The following PPP3CB variants were observed in gnomAD, a reference collection of about 807,000 sequenced individuals.
PPP3CB encodes the protein protein phosphatase 3 catalytic subunit beta, also known as serine/threonine-protein phosphatase 2B catalytic subunit beta isoform.
A neutral mutation model predicts 66.4 loss-of-function variants in PPP3CB; 8 were observed. The observed-to-expected ratio is 0.12, with a 90% CI of 0.07 to 0.22. The LOEUF is 0.22. Ranked by LOEUF, PPP3CB falls within the 10% of genes least tolerant of loss-of-function variation. The pLI is 1.00. For synonymous variants in PPP3CB, 208 were observed against 221.2 expected (o/e 0.94, Z 0.53); for missense variants, 319 against 642.5 (o/e 0.50, Z 5.44).
Position 73,437,316 on chromosome 10 carries a change from TA to T in PPP3CB, c.*925del, listed in dbSNP as rs1433116524. ...CTCTAAGCAACTTGAGTACTCACAA[TA>T]AACTAAAATTTCTCATAACATCTAG... On this transcript the variant is annotated 3_prime_UTR_variant, in exon 14 of 14. Transcript: ENST00000360663. 6.6e-6 allele frequency: 1 copy of T among 152,660 alleles called. No homozygotes were observed. The highest frequency in any genetic ancestry group is 1.5e-5 in the Non-Finnish European group (1 of 68,036). 9.5% of individuals were successfully genotyped at this position (152,660 alleles called of 1,614,324 possible).
chr10:73,487,138 C>A (rs1044477954), intron 1 of PPP3CB, among the ~76,000 whole-genome samples: 1 of 152,078 alleles, frequency 6.6e-6, no homozygotes, highest in African/African-American at 2.4e-5. Flanking sequence ...CCACTGTACT[C>A]CCGCCTGGGC....
intron 9 of PPP3CB, among the ~76,000 whole-genome samples, chr10:73,462,244 G>GA (rs2056535117): frequency 7.0e-6 from 1 of 142,992 alleles, no homozygotes; most frequent in Non-Finnish European, 1.5e-5. Context: ...CTGCAGCCTT[G>GA]AACTCCTAGG....
chr10:73,493,997 C>G (rs1455692278), intron 1 of PPP3CB, among the ~76,000 whole-genome samples: 1 of 152,118 alleles, frequency 6.6e-6, no homozygotes, highest in Non-Finnish European at 1.5e-5. Flanking sequence ...ACTCATTGTT[C>G]AGGAATGTGA....
intron 1 of PPP3CB, among the ~76,000 whole-genome samples, chr10:73,484,754 A>G (rs2056944527): frequency 6.6e-6 from 1 of 152,140 alleles, no homozygotes; most frequent in South Asian, 2.1e-4. Flanking sequence ...GGAACAACCT[A>G]AAGAGCTACA....
intron 3 of PPP3CB, among the ~76,000 whole-genome samples, chr10:73,475,239 G>C (rs1038971941): frequency 3.9e-5 from 6 of 152,126 alleles, no homozygotes; most frequent in African/African-American, 1.4e-4. Flanking sequence ...GCAAATAGGA[G>C]AAGAGCAATA....
intron 1 of PPP3CB, among the ~76,000 whole-genome samples, chr10:73,481,660 C>A (rs11000672): frequency 0.15 from 22,523 of 150,900 alleles, 2,724 homozygotes; most frequent in African/African-American, 0.31. Context: ...GGTTAGATTC[C>A]TATCAATTAC....
Position 73,438,066 on chromosome 10 carries a change from G to A in PPP3CB, c.*176C>T. ...AGCGATGACCCAATCTTATCAGATA[G>A]CACATGTCCCAGGGCCCTCAAGCCT... On this transcript the variant is annotated 3_prime_UTR_variant, in exon 14 of 14. Coordinates refer to ENST00000360663, the MANE Select transcript of PPP3CB (RefSeq NM_021132.4). 11 of 602,998 alleles carry A rather than the reference G, an allele frequency of 1.8e-5. No individual in the cohort carries two copies. In the South Asian group the frequency reaches 2.5e-4, roughly 14 times the overall value. 37.4% of individuals were successfully genotyped at this position (602,998 alleles called of 1,614,324 possible).
intron 12 of PPP3CB, among the ~76,000 whole-genome samples, chr10:73,443,354 AAAG>A (rs1241430365): frequency 1.3e-5 from 2 of 149,092 alleles, no homozygotes; most frequent in African/African-American, 4.9e-5. Flanking sequence ...AGAAGAGAGA[AAAG>A]AAAAAAAAAG....
chr10:73,443,485 A>C (rs2056197453), intron 12 of PPP3CB, among the ~76,000 whole-genome samples: 2 of 152,188 alleles, frequency 1.3e-5, no homozygotes. Flanking sequence ...AACACCAAAA[A>C]GAAACCTAAT....
At chr10:73,487,059 A>G (rs2056990566) in intron 1 of PPP3CB, among the ~76,000 whole-genome samples, 1 of 152,072 alleles carries the variant, frequency 6.6e-6, no homozygotes, top group Non-Finnish European at 1.5e-5. Flanking sequence ...AATCCTAACT[A>G]CTGGGGAGGC....
At chr10:73,478,906 A>T (rs2056831086) in intron 2 of PPP3CB, among the ~76,000 whole-genome samples, 1 of 152,218 alleles carries the variant, frequency 6.6e-6, no homozygotes, top group Non-Finnish European at 1.5e-5. Context: ...ATGTGTTTTA[A>T]GTTTCAAGAT....
intron 4 of PPP3CB, among the ~76,000 whole-genome samples, chr10:73,471,974 C>T (rs538866881): frequency 1.3e-5 from 2 of 152,220 alleles, no homozygotes; most frequent in East Asian, 3.9e-4. Context: ...GAAGTAAATA[C>T]CACAGAGAAT....
At position 73,439,872 on chromosome 10, in the gene PPP3CB, CT is replaced by C; in HGVS notation, c.1395del (p.Ala466GlnfsTer42). The C allele has an allele frequency of 6.2e-7, 1 of 1,613,348 alleles. No individual in the cohort carries two copies. The highest frequency in any genetic ancestry group is 8.5e-7 in the Non-Finnish European group (1 of 1,179,454). On this transcript the variant is annotated frameshift_variant and splice_region_variant, in exon 13 of 14. Coordinates refer to ENST00000360663, the MANE Select transcript of PPP3CB (RefSeq NM_021132.4). LOFTEE classifies it high-confidence loss of function. ...CCCAGCACAAGGACTCTGATCATAC[CT>C]TTTTCAGCCTCAATAGCCTCAACTG... The part of the protein sequence containing the change: ...SATVEAIEAE[K>X]AIRGFSPPHR...
At chr10:73,460,033 G>A (rs537678896) in intron 9 of PPP3CB, among the ~76,000 whole-genome samples, 7 of 152,194 alleles carry the variant, frequency 4.6e-5, no homozygotes, top group East Asian at 3.9e-4. Context: ...AGCATAACAC[G>A]TTCAGAAAAC....
chr10:73,438,109 T>A lies in PPP3CB; in HGVS notation c.*133A>T. 1 of 885,298 alleles carries A rather than the reference T, an allele frequency of 1.1e-6. No individual in the cohort carries two copies. Among genetic ancestry groups the A allele is most frequent in the Non-Finnish European group, 1.7e-6 (1 of 591,180 alleles). 54.8% of individuals were successfully genotyped at this position (885,298 alleles called of 1,614,324 possible). On this transcript the variant is annotated 3_prime_UTR_variant, in exon 14 of 14. Coordinates refer to ENST00000360663, the MANE Select transcript of PPP3CB (RefSeq NM_021132.4). ...TCAAGCCTCCATCCAGGAAGGGGGC[T>A]AGGGTCTCAGAAGCACAATGGTTTC...
intron 1 of PPP3CB, among the ~76,000 whole-genome samples, chr10:73,488,552 T>TAAAAAA (rs74262587): frequency 1.2e-5 from 1 of 84,748 alleles, no homozygotes; most frequent in African/African-American, 4.5e-5. Flanking sequence ...TCTTGAGGGT[T>TAAAAAA]AAAAAAAAAA....
At chr10:73,460,946 G>C (rs915625148) in intron 9 of PPP3CB, among the ~76,000 whole-genome samples, 1 of 152,246 alleles carries the variant, frequency 6.6e-6, no homozygotes, top group Non-Finnish European at 1.5e-5. Context: ...GCAGTGCCAA[G>C]GGAAAATGCA....
rs58404946 is a variant in PPP3CB, at chr10:73,485,950, G to GTGTGTGTGTGTGTTTA, written c.86-6434_86-6433insTAAACACACACACACA. Among the ~76,000 whole-genome samples, 34 of 124,690 alleles carry GTGTGTGTGTGTGTTTA rather than the reference G, an allele frequency of 2.7e-4. 1 individual carries two copies. The highest frequency in any genetic ancestry group is 3.8e-4 in the Non-Finnish European group (23 of 61,124). The allele number at this position is 124,690 out of a possible 152,430, so 81.8% of individuals were successfully genotyped here. On this transcript the variant is annotated intron_variant, in intron 1 of 13. Coordinates refer to ENST00000360663, the MANE Select transcript of PPP3CB (RefSeq NM_021132.4). ...TGTGTGTGTGTGTGTGTGTGTGTGT[G>GTGTGTGTGTGTGTTTA]TATTTTTTTTTTTCAGATGCAGTCT...
At chr10:73,480,559 C>T (rs371408109) in intron 1 of PPP3CB, among the ~76,000 whole-genome samples, 366 of 151,918 alleles carry the variant, frequency 2.4e-3, no homozygotes, top group African/African-American at 8.4e-3. Flanking sequence ...ATTCTCCTGC[C>T]TCAGCCTCCC....
Sources: gnomAD v4.1 joint callset for allele counts (sites outside exome capture counted in the v4.1 genomes callset) on GRCh38, gnomAD v4.1.1 for gene constraint, MANE v1.5 for transcripts, NCBI Gene and HGNC (gene_info 2026-07-23, HGNC 2026-07-21) for gene names.